PTPRN2: variants seen among roughly 807,000 people sequenced by gnomAD.
The protein encoded by PTPRN2 is receptor-type tyrosine-protein phosphatase N2.
Under a neutral mutation model 118.8 loss-of-function variants are expected in PTPRN2, and 74 were observed. The observed-to-expected ratio is 0.62, with a 90% confidence interval of 0.52 to 0.76. The LOEUF is 0.76. Among genes scored for constraint, PTPRN2 ranks in the 30% least tolerant of loss-of-function variants. PTPRN2 has a pLI of 0.00. For missense variants in PTPRN2, 1,481 were observed against 1,394.4 expected (o/e 1.06, Z -0.99); for synonymous variants, 641 against 608.0 (o/e 1.05, Z -0.80).
intron 2 of PTPRN2, among the ~76,000 whole-genome samples, chr7:158,332,777 T>C (rs879814005): frequency 2.2e-3 from 333 of 150,620 alleles, no homozygotes; most frequent in South Asian, 8.4e-3. Flanking sequence ...ACCCATACTC[T>C]CACCATAAGA....
intron 1 of PTPRN2, among the ~76,000 whole-genome samples, chr7:158,527,300 G>GCCC (rs111783411): frequency 1.7e-4 from 26 of 151,752 alleles, no homozygotes; most frequent in African/African-American, 6.3e-4. Flanking sequence ...CCCCGGCCAT[G>GCCC]CCCCCCGCCA....
intron 3 of PTPRN2, among the ~76,000 whole-genome samples, chr7:158,280,421 C>T (rs1311340518): frequency 2.0e-5 from 3 of 152,198 alleles, no homozygotes; most frequent in African/African-American, 2.4e-5. Context: ...GCAGGAGCCG[C>T]GGCTCTACCT....
In PTPRN2 at chr7:157,929,600, G is replaced by A. The variant is rs909342405; in HGVS notation, c.1724-30863C>T. Among the ~76,000 whole-genome samples the A allele has an allele frequency of 1.3e-5, 2 of 151,934 alleles. No homozygotes were observed. Among genetic ancestry groups the A allele is most frequent in the Admixed American group, 6.6e-5 (1 of 15,262 alleles). ...ACCTCTGGTCCCATCTTCCTTTCAG[G>A]GTCCAGGCAGTCTTCCCCCTCATTA... On this transcript the variant is annotated intron_variant, in intron 11 of 22. Transcript: ENST00000389418. This position sits in a 1 kb window ranked among gnomAD's most constrained non-coding sequence, Gnocchi z 4.4.
intron 3 of PTPRN2, among the ~76,000 whole-genome samples, chr7:158,316,141 T>A (rs1461123319): frequency 6.6e-6 from 1 of 152,148 alleles, no homozygotes; most frequent in Non-Finnish European, 1.5e-5. Flanking sequence ...GCTTCCCCTG[T>A]GGAAGGGGTG....
At chr7:157,700,873 C>T (rs538596921) in intron 12 of PTPRN2, among the ~76,000 whole-genome samples, 80 of 152,348 alleles carry the variant, frequency 5.3e-4, no homozygotes, top group Non-Finnish European at 1.0e-3. Flanking sequence ...GCTGGCTCAG[C>T]GGTGGGCTCG....
At chr7:157,731,978 T>G (rs375646579) in intron 12 of PTPRN2, among the ~76,000 whole-genome samples, 10 of 53,114 alleles carry the variant, frequency 1.9e-4, no homozygotes, top group East Asian at 4.7e-4. Context: ...TCCCGTCCCA[T>G]GCGCCCAGCA....
intron 11 of PTPRN2, among the ~76,000 whole-genome samples, chr7:158,045,625 A>G (rs1808785719): frequency 6.6e-6 from 1 of 152,208 alleles, no homozygotes; most frequent in Non-Finnish European, 1.5e-5. Context: ...ATCATTTGAA[A>G]CCTAAGGAAC....
chr7:158,309,264 C>CTAATCAGCTTCCAGCATG (rs1801519172), intron 3 of PTPRN2, among the ~76,000 whole-genome samples: 2 of 146,592 alleles, frequency 1.4e-5, no homozygotes, highest in Admixed American at 6.8e-5. Flanking sequence ...CACCCTCAGT[C>CTAATCAGCTTCCAGCATG]TGGGTGGGCA....
intron 1 of PTPRN2, among the ~76,000 whole-genome samples, chr7:158,524,396 A>C (rs951398259): frequency 7.5e-6 from 1 of 132,592 alleles, no homozygotes; most frequent in Admixed American, 7.4e-5. Context: ...CCTGGAGTGG[A>C]GTCGTCTGCC....
At chr7:158,533,524 C>A (rs559606213) in intron 1 of PTPRN2, among the ~76,000 whole-genome samples, 1 of 152,156 alleles carries the variant, frequency 6.6e-6, no homozygotes, top group Non-Finnish European at 1.5e-5. Flanking sequence ...CCGGAGGCAC[C>A]GCCAGGACCC....
chr7:158,157,094 C>T (rs558300420), intron 6 of PTPRN2, among the ~76,000 whole-genome samples: 1 of 151,588 alleles, frequency 6.6e-6, no homozygotes, highest in East Asian at 2.0e-4. Flanking sequence ...AAGGCCTCCC[C>T]ATTGTGCTTA....
intron 10 of PTPRN2, among the ~76,000 whole-genome samples, chr7:158,084,175 G>A (rs1452878001): frequency 6.6e-6 from 1 of 152,194 alleles, no homozygotes; most frequent in Non-Finnish European, 1.5e-5. Context: ...AACACTGGGG[G>A]CTCCAGAGCT....
intron 3 of PTPRN2, among the ~76,000 whole-genome samples, chr7:158,210,952 C>T (rs1274428775): frequency 6.6e-6 from 1 of 152,130 alleles, no homozygotes; most frequent in Non-Finnish European, 1.5e-5. Flanking sequence ...CAAATTCATT[C>T]CATTAAGCCA....
chr7:157,625,791 G>T (rs1803536080), intron 14 of PTPRN2, among the ~76,000 whole-genome samples: 1 of 152,136 alleles, frequency 6.6e-6, no homozygotes, highest in African/African-American at 2.4e-5. Context: ...TTTTATAGAT[G>T]AGTGCATGTG....
chr7:157,725,757 T>C (rs1280283750), intron 12 of PTPRN2, among the ~76,000 whole-genome samples: 8 of 74,416 alleles, frequency 1.1e-4, no homozygotes, highest in African/African-American at 7.5e-5. Flanking sequence ...GAACTGGATA[T>C]CCACACGCAG....
intron 12 of PTPRN2, among the ~76,000 whole-genome samples, chr7:157,789,590 C>T (rs1804299179): frequency 6.6e-6 from 1 of 152,190 alleles, no homozygotes; most frequent in Admixed American, 6.5e-5. Context: ...TCCGTGGTCC[C>T]CTGAGGTCCC....
At chr7:158,402,229 C>G (rs1812999782) in intron 2 of PTPRN2, among the ~76,000 whole-genome samples, 1 of 152,204 alleles carries the variant, frequency 6.6e-6, no homozygotes, top group South Asian at 2.1e-4. Flanking sequence ...CAGCCAGACA[C>G]AGGACCAGGG....
intron 14 of PTPRN2, among the ~76,000 whole-genome samples, chr7:157,637,047 T>C (rs1804363226): frequency 1.3e-5 from 2 of 152,232 alleles, no homozygotes; most frequent in African/African-American, 4.8e-5. Flanking sequence ...AACAAATGTA[T>C]TTGCAAATAT....
intron 3 of PTPRN2, among the ~76,000 whole-genome samples, chr7:158,309,768 C>T (rs762627229): frequency 6.6e-6 from 1 of 152,148 alleles, no homozygotes; most frequent in Admixed American, 6.5e-5. Context: ...CAATGAGATA[C>T]ACTATGGTCA....
Sources: allele counts gnomAD v4.1 joint callset (sites outside exome capture counted in the v4.1 genomes callset), GRCh38; gene constraint gnomAD v4.1.1; non-coding constraint Gnocchi (gnomAD v3.1); transcripts MANE v1.5; gene names NCBI Gene and HGNC (gene_info 2026-07-23, HGNC 2026-07-21).